The following CMSS1 variants were observed in gnomAD, a reference collection of about 807,000 sequenced individuals.
CMSS1 encodes cms1 ribosomal small subunit homolog.
A neutral mutation model predicts 43.5 loss-of-function variants in CMSS1; 33 were observed. That is an observed-to-expected ratio of 0.76 (90% CI 0.57 to 1.01). The LOEUF (loss-of-function observed/expected upper bound fraction) is 1.01. Among genes scored for constraint, CMSS1 ranks in the 50% least tolerant of loss-of-function variants. The pLI is 0.00. For missense variants in CMSS1, 313 were observed against 326.4 expected (o/e 0.96, Z 0.32); for synonymous variants, 115 against 117.2 (o/e 0.98, Z 0.12).
chr3:99,859,676 A>G (rs1288553161), intron 1 of CMSS1, among the ~76,000 whole-genome samples: 1 of 152,166 alleles, frequency 6.6e-6, no homozygotes, highest in Non-Finnish European at 1.5e-5. Flanking sequence ...TGTTGCGTTG[A>G]TAGTAGCTGT....
At chr3:100,010,777 G>C (rs1228670821) in intron 1 of CMSS1, among the ~76,000 whole-genome samples, 1 of 73,348 alleles carries the variant, frequency 1.4e-5, no homozygotes, top group Non-Finnish European at 2.6e-5. Flanking sequence ...TCCACGCCCG[G>C]ATTTTTTTTT....
rs560561348 is a variant in CMSS1, at chr3:99,862,806, A to G, written c.64+44763A>G. 2.2e-4 allele frequency among the ~76,000 whole-genome samples: 33 copies of G among 152,320 alleles called. 1 individual carries two copies. The South Asian group carries it at 5.6e-3, about 26-fold the overall frequency. On this transcript the variant is annotated intron_variant, in intron 1 of 9. Transcript: ENST00000421999. The stretch of plus-strand genomic sequence containing the variant: ...TACTCAAATGTATTTGGGATCAGCC[A>G]CTGTCTTCCATTTCTCTTTTGCTCA...
chr3:100,034,713 T>C (rs1317415822), intron 1 of CMSS1, among the ~76,000 whole-genome samples: 1 of 152,188 alleles, frequency 6.6e-6, no homozygotes, highest in Non-Finnish European at 1.5e-5. Context: ...AAAGTACACC[T>C]GCTTGAAATA....
rs374887996 is a variant in CMSS1, at chr3:99,964,804, C to T, written c.64+146761C>T. Among the ~76,000 whole-genome samples, 8 of 152,226 alleles carry T rather than the reference C, an allele frequency of 5.3e-5. No individual in the cohort carries two copies. The East Asian group carries it at 1.2e-3, about 22-fold the overall frequency. On this transcript the variant is annotated intron_variant, in intron 1 of 9. Coordinates refer to ENST00000421999, the MANE Select transcript of CMSS1 (RefSeq NM_032359.4). The stretch of plus-strand genomic sequence containing the variant: ...AACCTCCAGGCTACCCAAGGGGGAT[C>T]ATACCTTCACACACCTCTCATCTAC...
intron 2 of CMSS1, among the ~76,000 whole-genome samples, chr3:100,149,131 T>G (rs1308863070): frequency 1.3e-5 from 2 of 152,224 alleles, no homozygotes; most frequent in African/African-American, 4.8e-5. Context: ...GATTTTCTTC[T>G]TGTTTGTTCC....
intron 8 of CMSS1, among the ~76,000 whole-genome samples, chr3:100,173,747 A>G (rs1029263103): frequency 4.6e-5 from 7 of 152,208 alleles, no homozygotes; most frequent in African/African-American, 1.7e-4. Context: ...GAAAGCAGGC[A>G]CATGCACATG....
In CMSS1 at chr3:100,070,501, G is replaced by A. The variant is rs1444163692; in HGVS notation, c.65-76472G>A. On this transcript the variant is annotated intron_variant, in intron 1 of 9. Transcript: ENST00000421999. ...GTTTTCAACTTAAATACATTTTAAG[G>A]TATAAAACTTACAGATAAACCTTGT... Among the ~76,000 whole-genome samples, 4 of 152,270 alleles carry A rather than the reference G, an allele frequency of 2.6e-5. No homozygotes were observed. In the South Asian group the frequency reaches 8.3e-4, roughly 32 times the overall value.
At chr3:100,141,372 G>T (rs1029218783) in intron 1 of CMSS1, among the ~76,000 whole-genome samples, 4 of 152,180 alleles carry the variant, frequency 2.6e-5, no homozygotes, top group African/African-American at 9.7e-5. Flanking sequence ...CCCCAAAAAT[G>T]CTCCCAGCCA....
chr3:100,163,110 AT>A (rs1459493209), intron 4 of CMSS1, among the ~76,000 whole-genome samples: 1 of 152,198 alleles, frequency 6.6e-6, no homozygotes, highest in Non-Finnish European at 1.5e-5. Context: ...TAATATTAAG[AT>A]TTGTGATTGT....
At chr3:99,941,246 A>T (rs991521442) in intron 1 of CMSS1, among the ~76,000 whole-genome samples, 1 of 152,152 alleles carries the variant, frequency 6.6e-6, no homozygotes, top group African/African-American at 2.4e-5. Flanking sequence ...CTGATGAAAA[A>T]ACTGAAGTGT....
At chr3:99,849,546 A>T (rs1943553310) in intron 1 of CMSS1, 1 of 1,613,424 alleles carries the variant, frequency 6.2e-7, no homozygotes, top group African/African-American at 1.3e-5. Flanking sequence ...GCCCTGACTT[A>T]GCTTCTTCTT....
At chr3:100,053,540 G>A (rs2065409354) in intron 1 of CMSS1, among the ~76,000 whole-genome samples, 1 of 152,126 alleles carries the variant, frequency 6.6e-6, no homozygotes, top group South Asian at 2.1e-4. Context: ...AATCCAGTTT[G>A]ACCTCATCTT....
At chr3:99,892,216 T>G (rs934947770) in intron 1 of CMSS1, among the ~76,000 whole-genome samples, 3 of 152,224 alleles carry the variant, frequency 2.0e-5, no homozygotes, top group Non-Finnish European at 4.4e-5. Flanking sequence ...TTTTTCATAG[T>G]GCACTAGGCA....
At chr3:99,939,388 G>A (rs767375819) in intron 1 of CMSS1, among the ~76,000 whole-genome samples, 4 of 152,124 alleles carry the variant, frequency 2.6e-5, no homozygotes, top group Non-Finnish European at 5.9e-5. Context: ...TCCTTTAACC[G>A]AAAGGACTCT....
chr3:99,919,312 A>G (rs1200929281), intron 1 of CMSS1, among the ~76,000 whole-genome samples: 1 of 151,494 alleles, frequency 6.6e-6, no homozygotes, highest in African/African-American at 2.4e-5. Flanking sequence ...CCTTAGAAGA[A>G]TCAGTATCAG....
chr3:100,170,995 G>T (rs2067105218), intron 6 of CMSS1, among the ~76,000 whole-genome samples: 1 of 152,162 alleles, frequency 6.6e-6, no homozygotes, highest in East Asian at 1.9e-4. Context: ...AAAAATCAGA[G>T]AGTCTTAGGC....
intron 1 of CMSS1, among the ~76,000 whole-genome samples, chr3:99,885,452 T>G (rs1705862663): frequency 6.6e-6 from 1 of 152,252 alleles, no homozygotes; most frequent in Non-Finnish European, 1.5e-5. Flanking sequence ...ACTAGCCCAA[T>G]TACATTTTAT....
intron 1 of CMSS1, among the ~76,000 whole-genome samples, chr3:99,899,224 TAA>T (rs2107624216): frequency 6.6e-6 from 1 of 152,360 alleles, no homozygotes; most frequent in South Asian, 2.1e-4. Context: ...TTGCATCATA[TAA>T]AGAGTCTGCT....
intron 1 of CMSS1, among the ~76,000 whole-genome samples, chr3:100,077,662 C>T (rs540192013): frequency 3.3e-5 from 5 of 152,272 alleles, no homozygotes; most frequent in African/African-American, 9.6e-5. Flanking sequence ...GTGGCTCACA[C>T]CTATAATCAC....
Sources: allele counts gnomAD v4.1 joint callset (sites outside exome capture counted in the v4.1 genomes callset), GRCh38; gene constraint gnomAD v4.1.1; transcripts MANE v1.5; gene names NCBI Gene and HGNC (gene_info 2026-07-23, HGNC 2026-07-21).